The following FARP2 variants were observed in gnomAD, a reference collection of about 807,000 sequenced individuals.
FARP2 encodes the protein FERM, ARHGEF and pleckstrin domain-containing protein 2.
In FARP2, 111 loss-of-function variants were observed where a neutral mutation model predicts 130.5. The observed-to-expected ratio is 0.85, with a 90% CI of 0.73 to 1.00. FARP2 has a LOEUF of 1.00. Ranked by LOEUF, FARP2 falls within the 50% of genes least tolerant of loss-of-function variation. The pLI is 0.00. For synonymous variants in FARP2, 504 were observed against 516.9 expected (o/e 0.98, Z 0.34); for missense variants, 1,385 against 1,346.3 (o/e 1.03, Z -0.45).
intron 1 of FARP2, among the ~76,000 whole-genome samples, chr2:241,370,160 A>G (rs1455942257): frequency 6.6e-6 from 1 of 152,206 alleles, no homozygotes; most frequent in Admixed American, 6.5e-5. Context: ...GTATATTTCA[A>G]AATAACTGGA....
chr2:241,372,358 G>A (rs1433343338), intron 1 of FARP2, among the ~76,000 whole-genome samples: 3 of 152,104 alleles, frequency 2.0e-5, no homozygotes, highest in African/African-American at 7.2e-5. Flanking sequence ...CCTTATCCAG[G>A]CTGTCATTCA....
intron 8 of FARP2, among the ~76,000 whole-genome samples, chr2:241,420,784 C>G (rs1462560882): frequency 6.6e-6 from 1 of 152,138 alleles, no homozygotes; most frequent in Admixed American, 6.5e-5. Context: ...GAACCCAACC[C>G]CAGCAGACCC....
At chr2:241,417,743 G>A (rs1001934022) in intron 7 of FARP2, among the ~76,000 whole-genome samples, 6 of 152,196 alleles carry the variant, frequency 3.9e-5, no homozygotes, top group Non-Finnish European at 7.3e-5. Flanking sequence ...TGTTCTACCC[G>A]TTACAAAGTA....
rs552580165 is a variant in FARP2, at chr2:241,491,560, G to A, written c.2668G>A (p.Ala890Thr). 2.4e-5 allele frequency: 38 copies of A among 1,613,668 alleles called. No homozygotes were observed. The highest frequency in any genetic ancestry group is 3.0e-5 in the Non-Finnish European group (35 of 1,179,972). Residue 890 changes from alanine (A) to threonine (T), a missense_variant, in exon 24 of 27, where the codon GCT becomes ACT. Ala to Thr is a moderately conservative substitution (Grantham distance 58, BLOSUM62 0). Coordinates refer to ENST00000264042, the MANE Select transcript of FARP2 (RefSeq NM_014808.4). ...TCTGGAGCAGGAGTCAGAAGATGAT[G>A]CTCGGGGTGTCCGCAGCTCCCTGGA... Reference protein sequence around the residue: ...VSLEQESEDDARGVRSSLEGH... With the variant: ...VSLEQESEDDTRGVRSSLEGH...
At chr2:241,402,834 A>ATTTT (rs762069441) in intron 2 of FARP2, among the ~76,000 whole-genome samples, 1 of 17,454 alleles carries the variant, frequency 5.7e-5, no homozygotes, top group African/African-American at 2.3e-4. Context: ...CACCCAGCTA[A>ATTTT]TTTATATATA....
At chr2:241,394,096 A>G (rs1237386829) in intron 2 of FARP2, among the ~76,000 whole-genome samples, 2 of 152,090 alleles carry the variant, frequency 1.3e-5, no homozygotes, top group African/African-American at 4.8e-5. Context: ...TGCAGGGAGA[A>G]TCTTGTTTCA....
Position 241,431,762 on chromosome 2 carries a change from TC to T in FARP2, c.857del (p.Pro286GlnfsTer11). On this transcript the variant is annotated frameshift_variant, in exon 9 of 27. Transcript: ENST00000264042. LOFTEE classifies it high-confidence loss of function. ...GGAAAAGATTTCTTATCAAACTTCA[TC>T]CAGAGGTTCATGTAAGTATTATTTT... is the stretch of plus-strand genomic sequence containing the variant. ...KRKRFLIKLH[P>X]EVHGPYQDTL... The T allele has an allele frequency of 6.8e-7, 1 of 1,463,072 alleles. No homozygotes were observed. The highest frequency in any genetic ancestry group is 9.5e-7 in the Non-Finnish European group (1 of 1,049,108). The allele number at this position is 1,463,072 out of a possible 1,614,324, so 90.6% of individuals were successfully genotyped here. A position where few individuals can be genotyped will look rare whatever the true frequency, so the allele number is the denominator to read the frequency against.
intron 2 of FARP2, among the ~76,000 whole-genome samples, chr2:241,403,249 CTG>C (rs1411838864): frequency 6.6e-6 from 1 of 151,986 alleles, no homozygotes; most frequent in Non-Finnish European, 1.5e-5. Context: ...AAGTCTCACT[CTG>C]TCACCCAGGC....
At chr2:241,490,977 G>T in intron 22 of FARP2, 84 bp from the exon 23 acceptor site, 1 of 984,550 alleles carries the variant, frequency 1.0e-6, no homozygotes, top group South Asian at 1.3e-5. Flanking sequence ...GAGAACAGGT[G>T]CCCTGACGGC....
At chr2:241,376,977 A>G (rs994141069) in intron 2 of FARP2, among the ~76,000 whole-genome samples, 19 of 152,170 alleles carry the variant, frequency 1.2e-4, no homozygotes, top group African/African-American at 4.1e-4. Flanking sequence ...AAATGAATGA[A>G]ATCGAAAGTT....
At chr2:241,485,072 A>G (rs1242408178) in intron 21 of FARP2, among the ~76,000 whole-genome samples, 1 of 152,070 alleles carries the variant, frequency 6.6e-6, no homozygotes, top group Non-Finnish European at 1.5e-5. Flanking sequence ...CCTTGACTAC[A>G]GTGCTACAGT....
At chr2:241,490,979 C>A in intron 22 of FARP2, 82 bp from the exon 23 acceptor site, 1 of 1,030,490 alleles carries the variant, frequency 9.7e-7, no homozygotes, top group Non-Finnish European at 1.5e-6. Flanking sequence ...GAACAGGTGC[C>A]CTGACGGCTC....
chr2:241,471,153 T>A (rs993472469), intron 18 of FARP2, among the ~76,000 whole-genome samples: 6 of 149,456 alleles, frequency 4.0e-5, no homozygotes, highest in Non-Finnish European at 3.0e-5. Context: ...GTCTCTGTTC[T>A]GACGGGGGTC....
At chr2:241,487,395 C>T (rs1041796413) in intron 21 of FARP2, among the ~76,000 whole-genome samples, 3 of 152,098 alleles carry the variant, frequency 2.0e-5, no homozygotes, top group Middle Eastern at 3.2e-3. Context: ...TAACAGGGCA[C>T]GGTGGCTCAC....
At chr2:241,383,687 G>C (rs949791551) in intron 2 of FARP2, among the ~76,000 whole-genome samples, 2 of 152,088 alleles carry the variant, frequency 1.3e-5, no homozygotes, top group Non-Finnish European at 2.9e-5. Flanking sequence ...GTGAGAACCA[G>C]TTGCATCCTG....
At chr2:241,418,391 C>G (rs1427378144) in intron 8 of FARP2, among the ~76,000 whole-genome samples, 3 of 152,146 alleles carry the variant, frequency 2.0e-5, no homozygotes, top group Non-Finnish European at 1.5e-5. Flanking sequence ...CCTCCTGCCC[C>G]CCAGGGCTGC....
Position 241,456,841 on chromosome 2 carries a change from A to C in FARP2, c.1506A>C (p.Glu502Asp), listed in dbSNP as rs755999686. 1.2e-6 allele frequency: 2 copies of C among 1,613,966 alleles called. No individual in the cohort carries two copies. Among genetic ancestry groups the C allele is most frequent in the East Asian group, 4.5e-5 (2 of 44,860 alleles). Residue 502 changes from glutamate to aspartate, a missense_variant, in exon 14 of 27, where the codon GAA becomes GAC. Transcript: ENST00000264042. ...PAFQVPLGPAEQGSSPLLSPV... is the reference protein window; with the variant it reads ...PAFQVPLGPADQGSSPLLSPV... Reference sequence around the variant, plus strand: ...TTCAGGTGCCTTTGGGCCCAGCTGAACAGGGCTCATCCCCACTCCTGAGCC... The same window carrying C: ...TTCAGGTGCCTTTGGGCCCAGCTGACCAGGGCTCATCCCCACTCCTGAGCC...
intron 2 of FARP2, among the ~76,000 whole-genome samples, chr2:241,375,240 C>T (rs928405549): frequency 2.0e-5 from 3 of 152,028 alleles, no homozygotes; most frequent in Admixed American, 6.5e-5. Context: ...TGTGAGCCAC[C>T]GCGCCCAGCC....
intron 14 of FARP2, among the ~76,000 whole-genome samples, chr2:241,462,199 G>GCA (rs1282589841): frequency 5.3e-5 from 8 of 152,142 alleles, no homozygotes; most frequent in Non-Finnish European, 1.2e-4. Flanking sequence ...TAATTTATAA[G>GCA]CACACACACA....
Sources: gnomAD v4.1 joint callset for allele counts (sites outside exome capture counted in the v4.1 genomes callset) on GRCh38, gnomAD v4.1.1 for gene constraint, MANE v1.5 for transcripts, NCBI Gene and HGNC (gene_info 2026-07-23, HGNC 2026-07-21) for gene names.